TSPAN18: variants seen among roughly 807,000 people sequenced by gnomAD.
TSPAN18 encodes the protein tetraspanin-18.
A neutral mutation model predicts 27.3 loss-of-function variants in TSPAN18; 14 were observed. The ratio of observed to expected loss-of-function variants is 0.51; its 90% CI spans 0.34 to 0.80. The LOEUF (loss-of-function observed/expected upper bound fraction) is 0.80, where lower values mean the gene tolerates loss of function less well. TSPAN18 is among the 30% of genes least tolerant of loss of function. The pLI is 0.01. For synonymous variants in TSPAN18, 143 were observed against 136.5 expected (o/e 1.05, Z -0.33); for missense variants, 268 against 323.9 (o/e 0.83, Z 1.32).
At chr11:44,792,252 T>C (rs1856243487) in intron 2 of TSPAN18, among the ~76,000 whole-genome samples, 2 of 152,194 alleles carry the variant, frequency 1.3e-5, no homozygotes, top group Admixed American at 1.3e-4. Flanking sequence ...CAGGGACACC[T>C]CTGTGAGGGG....
At chr11:44,858,551 G>A (rs548151980) in intron 2 of TSPAN18, among the ~76,000 whole-genome samples, 1 of 152,308 alleles carries the variant, frequency 6.6e-6, no homozygotes, top group South Asian at 2.1e-4. Context: ...CTGGAACCCA[G>A]GACTCCTGCC....
chr11:44,891,025 G>C (rs908624196), intron 3 of TSPAN18, among the ~76,000 whole-genome samples: 1 of 152,162 alleles, frequency 6.6e-6, no homozygotes, highest in Non-Finnish European at 1.5e-5. Flanking sequence ...GAAAAAATTA[G>C]CTGCGCATAG....
chr11:44,736,557 T>A, intron 1 of TSPAN18: 1 of 152,182 alleles, frequency 6.6e-6, no homozygotes, highest in East Asian at 1.9e-4. Context: ...CAGGAGGGTG[T>A]CTGGGCATCT....
intron 1 of TSPAN18, among the ~76,000 whole-genome samples, chr11:44,731,379 A>G (rs532801124): frequency 2.6e-5 from 4 of 152,282 alleles, no homozygotes; most frequent in Non-Finnish European, 4.4e-5. Flanking sequence ...TGGTGCCTCC[A>G]TTTCCTGATT....
At chr11:44,840,469 C>A (rs1010331326) in intron 2 of TSPAN18, among the ~76,000 whole-genome samples, 2 of 152,172 alleles carry the variant, frequency 1.3e-5, no homozygotes, top group African/African-American at 2.4e-5. Context: ...GGTAATTATT[C>A]TTCTCATTTT....
At chr11:44,752,547 A>G (rs1188757724) in intron 1 of TSPAN18, among the ~76,000 whole-genome samples, 2 of 137,502 alleles carry the variant, frequency 1.5e-5, no homozygotes, top group Non-Finnish European at 3.1e-5. Flanking sequence ...ATTTGTTGAA[A>G]TTTCATTTCT....
At chr11:44,762,024 G>T (rs1455226907) in intron 1 of TSPAN18, among the ~76,000 whole-genome samples, 2 of 152,212 alleles carry the variant, frequency 1.3e-5, no homozygotes, top group Non-Finnish European at 2.9e-5. Flanking sequence ...GGTTCCTTCT[G>T]CCCTGCACTG....
At chr11:44,895,552 G>A (rs1859011938) in intron 3 of TSPAN18, among the ~76,000 whole-genome samples, 1 of 152,198 alleles carries the variant, frequency 6.6e-6, no homozygotes, top group Admixed American at 6.5e-5. Context: ...CAATAGGATG[G>A]GGGCTCACAG....
intron 2 of TSPAN18, among the ~76,000 whole-genome samples, chr11:44,820,002 C>G (rs577032552): frequency 6.6e-6 from 1 of 152,130 alleles, no homozygotes; most frequent in Non-Finnish European, 1.5e-5. Flanking sequence ...TCTGCACTAG[C>G]GCCGGCCAAG....
intron 3 of TSPAN18, among the ~76,000 whole-genome samples, chr11:44,890,929 T>C (rs1207264435): frequency 1.3e-5 from 2 of 152,182 alleles, no homozygotes; most frequent in Non-Finnish European, 2.9e-5. Flanking sequence ...CCCAGCACTT[T>C]GGGAGACCAA....
chr11:44,736,555 T>C (rs1854798790), intron 1 of TSPAN18: 1 of 152,054 alleles, frequency 6.6e-6, no homozygotes, highest in African/African-American at 2.4e-5. Context: ...CCCAGGAGGG[T>C]GTCTGGGCAT....
chr11:44,905,641 A>C (rs1859427229), intron 3 of TSPAN18, among the ~76,000 whole-genome samples: 1 of 152,248 alleles, frequency 6.6e-6, no homozygotes, highest in Admixed American at 6.5e-5. Context: ...TTTGCATCTC[A>C]GTGCAGCCCC....
chr11:44,826,571 A>G (rs1473136045), intron 2 of TSPAN18, among the ~76,000 whole-genome samples: 1 of 152,178 alleles, frequency 6.6e-6, no homozygotes, highest in Non-Finnish European at 1.5e-5. Context: ...TCAGGGTTTT[A>G]CCTGGCTCAT....
intron 2 of TSPAN18, among the ~76,000 whole-genome samples, chr11:44,776,566 G>A (rs1048070028): frequency 1.3e-4 from 20 of 152,278 alleles, no homozygotes; most frequent in African/African-American, 4.6e-4. Flanking sequence ...ACCAGTGCTG[G>A]GACCCTGTGT....
chr11:44,926,767 G>A lies in TSPAN18; in HGVS notation c.699+10G>A. On this transcript the variant is annotated intron_variant, in intron 9 of 9. Transcript: ENST00000520358. ...GGTACTGGCCATCGAGGTAAGTAAA[G>A]GCCCCCACTTCTGCCGCTCCCCAGG... is the stretch of plus-strand genomic sequence containing the variant. 3.7e-6 allele frequency: 6 copies of A among 1,613,958 alleles called. No individual in the cohort carries two copies. The highest frequency in any genetic ancestry group is 5.1e-6 in the Non-Finnish European group (6 of 1,179,858).
At chr11:44,926,907 T>C in intron 9 of TSPAN18, 150 bp downstream of exon 9, 1 of 718,062 alleles carries the variant, frequency 1.4e-6, no homozygotes, top group South Asian at 1.7e-5. Flanking sequence ...TAAGCCCGGC[T>C]GTGTCTGTGC....
At position 44,753,411 on chromosome 11, in the gene TSPAN18, T is replaced by C. The variant is rs538742637; in HGVS notation, c.-239-11015T>C. Among the ~76,000 whole-genome samples, 3 of 152,190 alleles carry C rather than the reference T, an allele frequency of 2.0e-5. No homozygotes were observed. In the South Asian group the frequency reaches 6.2e-4, roughly 32 times the overall value. ...TCCCAAAGTGCTGGGATTACAGGCGTTTGAGCCACCGCACTCAGCCAGCGC... is the reference window on the plus strand; with the variant it reads ...TCCCAAAGTGCTGGGATTACAGGCGCTTGAGCCACCGCACTCAGCCAGCGC... On this transcript the variant is annotated intron_variant, in intron 1 of 9. Coordinates refer to ENST00000520358, the MANE Select transcript of TSPAN18 (RefSeq NM_130783.5).
chr11:44,815,504 G>A (rs1297898783), intron 2 of TSPAN18, among the ~76,000 whole-genome samples: 1 of 152,174 alleles, frequency 6.6e-6, no homozygotes, highest in Admixed American at 6.5e-5. Flanking sequence ...TTTTGTCCCT[G>A]GAGTGTGTGG....
Position 44,929,397 on chromosome 11 carries a change from G to A in TSPAN18, c.*219G>A, listed in dbSNP as rs1860487458. 2 of 608,304 alleles carry A rather than the reference G, an allele frequency of 3.3e-6. No individual in the cohort carries two copies. Among genetic ancestry groups the A allele is most frequent in the African/African-American group, 1.9e-5 (1 of 53,764 alleles). 37.7% of individuals were successfully genotyped at this position (608,304 alleles called of 1,614,324 possible). ...GTATCCTCGCCTGGACTCAGGGCAG[G>A]TGCCGTGGGTTCTCCAGAGACCCCA... is the stretch of plus-strand genomic sequence containing the variant. On this transcript the variant is annotated 3_prime_UTR_variant, in exon 10 of 10. Transcript: ENST00000520358.
Sources: allele counts gnomAD v4.1 joint callset (sites outside exome capture counted in the v4.1 genomes callset), GRCh38; gene constraint gnomAD v4.1.1; transcripts MANE v1.5; gene names NCBI Gene and HGNC (gene_info 2026-07-23, HGNC 2026-07-21).